Variants in CDH8 observed in about 807,000 individuals in gnomAD.
CDH8 encodes the protein cadherin 8, also known as cadherin-8.
CDH8 carries 17 observed loss-of-function variants against 68.1 expected under a neutral mutation model. The observed-to-expected ratio is 0.25, with a 90% confidence interval of 0.17 to 0.37. The LOEUF is 0.37. Ranked by LOEUF, CDH8 falls within the 10% of genes least tolerant of loss-of-function variation. CDH8 has a pLI of 1.00. For synonymous variants in CDH8, 372 were observed against 365.1 expected (o/e 1.02, Z -0.21); for missense variants, 763 against 999.3 (o/e 0.76, Z 3.19).
intron 8 of CDH8, among the ~76,000 whole-genome samples, chr16:61,740,678 G>T (rs1394473434): frequency 6.6e-6 from 1 of 152,086 alleles, no homozygotes; most frequent in Non-Finnish European, 1.5e-5. Context: ...AGATGCTTTA[G>T]TTCAATGTAA....
chr16:61,916,583 G>A (rs1465905613), intron 2 of CDH8, among the ~76,000 whole-genome samples: 1 of 152,026 alleles, frequency 6.6e-6, no homozygotes, highest in Non-Finnish European at 1.5e-5. Flanking sequence ...GGTGAACTCA[G>A]GTCACTATCA....
chr16:61,927,654 G>A (rs1026506894), intron 2 of CDH8, among the ~76,000 whole-genome samples: 1 of 152,056 alleles, frequency 6.6e-6, no homozygotes, highest in Non-Finnish European at 1.5e-5. Context: ...TAATGTTGGG[G>A]TCAGGTGGCA....
intron 10 of CDH8, among the ~76,000 whole-genome samples, chr16:61,663,472 G>A (rs1334210848): frequency 6.6e-6 from 1 of 151,886 alleles, no homozygotes; most frequent in East Asian, 1.9e-4. Context: ...TAAATAAAAT[G>A]TATATGTTTT....
intron 2 of CDH8, among the ~76,000 whole-genome samples, chr16:61,950,384 TACCGG>T (rs1964874741): frequency 2.0e-5 from 3 of 152,338 alleles, no homozygotes; most frequent in East Asian, 3.9e-4. Context: ...TTACTCTATT[TACCGG>T]ATGTGCATAA....
chr16:61,876,717 C>T (rs1416333523), intron 3 of CDH8, among the ~76,000 whole-genome samples: 3 of 152,076 alleles, frequency 2.0e-5, no homozygotes, highest in Admixed American at 6.6e-5. Context: ...TGATGCTCTC[C>T]TCATTAAATG....
intron 4 of CDH8, among the ~76,000 whole-genome samples, chr16:61,826,504 T>A (rs1161128986): frequency 6.6e-6 from 1 of 151,896 alleles, no homozygotes; most frequent in African/African-American, 2.4e-5. Flanking sequence ...GTGTGTTACA[T>A]TTCTGGTCAA....
chr16:62,001,653 T>C (rs970586514), intron 2 of CDH8, among the ~76,000 whole-genome samples: 2 of 152,152 alleles, frequency 1.3e-5, no homozygotes, highest in African/African-American at 4.8e-5. Flanking sequence ...GAGAAATCCT[T>C]CTTACTTCAA....
At chr16:61,892,856 A>G (rs918338181) in intron 3 of CDH8, among the ~76,000 whole-genome samples, 1 of 152,188 alleles carries the variant, frequency 6.6e-6, no homozygotes, top group Admixed American at 6.6e-5. Context: ...CTATATTAAA[A>G]ATAAAGAGAT....
At chr16:61,832,041 T>A (rs1962466160) in intron 4 of CDH8, among the ~76,000 whole-genome samples, 1 of 151,772 alleles carries the variant, frequency 6.6e-6, no homozygotes, top group Admixed American at 6.6e-5. Context: ...GCACCCATAC[T>A]TTCTGCTAGC....
chr16:61,840,949 T>TA (rs2143008187), intron 4 of CDH8, among the ~76,000 whole-genome samples: 1 of 152,042 alleles, frequency 6.6e-6, no homozygotes, highest in African/African-American at 2.4e-5. Flanking sequence ...ATAACTTTTT[T>TA]TAAAAAATAA....
At chr16:61,759,743 T>A (rs1226199131) in intron 8 of CDH8, among the ~76,000 whole-genome samples, 1 of 152,170 alleles carries the variant, frequency 6.6e-6, no homozygotes, top group Non-Finnish European at 1.5e-5. Context: ...GTGTTTTTAG[T>A]AGGAATGCAA....
chr16:61,693,660 C>T (rs1964275587), intron 10 of CDH8: 1 of 152,058 alleles, frequency 6.6e-6, no homozygotes, highest in Admixed American at 6.6e-5. Context: ...ATAAAAAACA[C>T]CTTTATTTCA....
intron 10 of CDH8, among the ~76,000 whole-genome samples, chr16:61,709,748 A>G (rs1381808252): frequency 6.6e-6 from 1 of 151,990 alleles, no homozygotes; most frequent in Non-Finnish European, 1.5e-5. Flanking sequence ...AAAAAAAGTC[A>G]TCATATTCAA....
intron 2 of CDH8, among the ~76,000 whole-genome samples, chr16:62,014,015 T>C (rs2048318): frequency 0.76 from 115,836 of 152,020 alleles, 44,436 homozygotes; most frequent in East Asian, 1. Flanking sequence ...ACATAAGCAT[T>C]GATTATCCAC....
intron 8 of CDH8, among the ~76,000 whole-genome samples, chr16:61,762,244 A>G (rs1000061003): frequency 1.3e-5 from 2 of 152,186 alleles, no homozygotes; most frequent in African/African-American, 4.8e-5. Flanking sequence ...AATTGGGGCT[A>G]TCTGAATAAA....
At chr16:61,958,146 A>G (rs1965017877) in intron 2 of CDH8, among the ~76,000 whole-genome samples, 1 of 152,170 alleles carries the variant, frequency 6.6e-6, no homozygotes, top group African/African-American at 2.4e-5. Context: ...ATGATTAGCA[A>G]TCAAGAAGCA....
At chr16:61,691,173 T>A (rs1467356125) in intron 10 of CDH8, among the ~76,000 whole-genome samples, 2 of 152,010 alleles carry the variant, frequency 1.3e-5, no homozygotes, top group Non-Finnish European at 1.5e-5. Context: ...ATTATCAGAG[T>A]TCCTTCTCTG....
chr16:62,024,873 T>C (rs1460641603), intron 1 of CDH8, among the ~76,000 whole-genome samples: 1 of 152,184 alleles, frequency 6.6e-6, no homozygotes, highest in African/African-American at 2.4e-5. Flanking sequence ...AACAAGACCG[T>C]TCCTCTCACT....
intron 3 of CDH8, among the ~76,000 whole-genome samples, chr16:61,865,614 G>A (rs941068606): frequency 1.3e-5 from 2 of 152,154 alleles, no homozygotes; most frequent in East Asian, 1.9e-4. Context: ...GAGGGCAATT[G>A]GAGGCCTGGT....
Sources: allele counts gnomAD v4.1 joint callset (sites outside exome capture counted in the v4.1 genomes callset), GRCh38; gene constraint gnomAD v4.1.1; transcripts MANE v1.5; gene names NCBI Gene and HGNC (gene_info 2026-07-23, HGNC 2026-07-21).